Variants in LRMDA observed in about 807,000 individuals in gnomAD.
LRMDA encodes leucine-rich melanocyte differentiation-associated protein.
LRMDA carries 18 observed loss-of-function variants against 29.8 expected under a neutral mutation model. That is an observed-to-expected ratio of 0.60 (90% CI 0.42 to 0.90). The LOEUF (loss-of-function observed/expected upper bound fraction) is 0.90. Among genes scored for constraint, LRMDA ranks in the 40% least tolerant of loss-of-function variants. The probability of loss-of-function intolerance (pLI) is 0.00; values close to 1 mark genes in which losing one functional copy is unlikely to be tolerated. For missense variants in LRMDA, 273 were observed against 273.9 expected, an observed-to-expected ratio of 1.00 and a Z score of 0.02; for synonymous variants, 125 against 109.4, an observed-to-expected ratio of 1.14 and a Z score of -0.89.
chr10:76,443,165 C>T (rs1842320979), intron 6 of LRMDA, among the ~76,000 whole-genome samples: 1 of 152,166 alleles, frequency 6.6e-6, no homozygotes, highest in Non-Finnish European at 1.5e-5. Context: ...GGTACCTGAA[C>T]TTAGATCAAA....
intron 5 of LRMDA, among the ~76,000 whole-genome samples, chr10:76,060,297 C>T (rs1360131815): frequency 6.6e-6 from 1 of 152,170 alleles, no homozygotes; most frequent in Non-Finnish European, 1.5e-5. Context: ...ATGTGGGCAG[C>T]TCTACATTGT....
At chr10:76,533,527 G>A (rs1471366117) in intron 6 of LRMDA, among the ~76,000 whole-genome samples, 2 of 152,126 alleles carry the variant, frequency 1.3e-5, no homozygotes, top group African/African-American at 4.8e-5. Flanking sequence ...TGTCATTCAG[G>A]AGCTTGCAAA....
At position 76,157,458 on chromosome 10, in the gene LRMDA, T is replaced by A. The variant is rs577178724; in HGVS notation, c.516+98675T>A. Among the ~76,000 whole-genome samples the A allele has an allele frequency of 2.4e-4, 36 of 152,058 alleles. No homozygotes were observed. The South Asian group carries it at 3.1e-3, about 13-fold the overall frequency. ...AGACCCTGTTGCCAAAAAAGTTTTT[T>A]AAAAAATTAGCCAGGTGTGATAGCA... is the stretch of plus-strand genomic sequence containing the variant. On this transcript the variant is annotated intron_variant, in intron 5 of 6. Transcript: ENST00000611255.
At chr10:76,524,372 G>A (rs909540258) in intron 6 of LRMDA, among the ~76,000 whole-genome samples, 3 of 152,194 alleles carry the variant, frequency 2.0e-5, no homozygotes, top group Non-Finnish European at 4.4e-5. Context: ...CTTACATTCT[G>A]CAGCAATTCA....
intron 2 of LRMDA, among the ~76,000 whole-genome samples, chr10:75,479,335 G>A (rs947871432): frequency 6.4e-4 from 97 of 151,882 alleles, no homozygotes; most frequent in African/African-American, 2.0e-3. Flanking sequence ...GTGAAACCCC[G>A]CCTGTACTAA....
intron 6 of LRMDA, among the ~76,000 whole-genome samples, chr10:76,350,098 A>AT (rs1841156706): frequency 1.3e-5 from 2 of 152,026 alleles, no homozygotes; most frequent in Admixed American, 6.6e-5. Context: ...GGGTCCTTAC[A>AT]TTTTTGGCAA....
chr10:75,497,182 T>C (rs1845055949), intron 2 of LRMDA, among the ~76,000 whole-genome samples: 2 of 152,162 alleles, frequency 1.3e-5, no homozygotes, highest in South Asian at 4.1e-4. Flanking sequence ...CTCCATGGTT[T>C]CCAAGATGTC....
intron 2 of LRMDA, among the ~76,000 whole-genome samples, chr10:75,887,002 C>G (rs988445883): frequency 1.3e-5 from 2 of 151,974 alleles, no homozygotes; most frequent in African/African-American, 2.4e-5. Flanking sequence ...AGTTCTGGGC[C>G]GCTATTTGAT....
intron 5 of LRMDA, among the ~76,000 whole-genome samples, chr10:76,196,444 G>T (rs1199020886): frequency 2.0e-5 from 3 of 152,294 alleles, no homozygotes; most frequent in Non-Finnish European, 4.4e-5. Context: ...ACCCACCTGA[G>T]GCTTGACCAT....
chr10:75,796,220 A>G (rs1205305082), intron 2 of LRMDA, among the ~76,000 whole-genome samples: 1 of 152,216 alleles, frequency 6.6e-6, no homozygotes, highest in African/African-American at 2.4e-5. Context: ...TTCCAGTACA[A>G]TGATGAACAG....
At chr10:75,580,586 C>T (rs1295747960) in intron 2 of LRMDA, among the ~76,000 whole-genome samples, 2 of 152,052 alleles carry the variant, frequency 1.3e-5, no homozygotes, top group Admixed American at 6.5e-5. Context: ...TCATATGGAA[C>T]CAAAAAAAGA....
At chr10:75,550,544 GTTTATA>G (rs1049012729) in intron 2 of LRMDA, among the ~76,000 whole-genome samples, 20 of 152,008 alleles carry the variant, frequency 1.3e-4, no homozygotes, top group African/African-American at 4.1e-4. Flanking sequence ...ATGTCTCTGT[GTTTATA>G]TTTATAATGA....
intron 2 of LRMDA, among the ~76,000 whole-genome samples, chr10:75,697,222 A>G (rs1382364702): frequency 1.3e-5 from 2 of 152,060 alleles, no homozygotes; most frequent in Admixed American, 6.6e-5. Flanking sequence ...TGTGAGGGAT[A>G]TAGTGATTTG....
chr10:75,731,956 T>C (rs1046990828), intron 2 of LRMDA, among the ~76,000 whole-genome samples: 6 of 152,232 alleles, frequency 3.9e-5, no homozygotes, highest in Non-Finnish European at 7.3e-5. Flanking sequence ...TAGAAGATGA[T>C]TTTTGTATTA....
At chr10:76,280,233 G>C (rs905861057) in intron 5 of LRMDA, among the ~76,000 whole-genome samples, 1 of 152,156 alleles carries the variant, frequency 6.6e-6, no homozygotes, top group Non-Finnish European at 1.5e-5. Context: ...GACTTTATAG[G>C]AGTAACCTTG....
rs561358930 is a variant in LRMDA, at chr10:76,557,772, A to G, written c.*484A>G. On this transcript the variant is annotated 3_prime_UTR_variant, in exon 7 of 7. Transcript: ENST00000611255. ...AATAGTCACAGTTTAGGGGATGGCCATTCTCCCTCACTCCTTTTAAATCTT... is the reference window on the plus strand; with the variant it reads ...AATAGTCACAGTTTAGGGGATGGCCGTTCTCCCTCACTCCTTTTAAATCTT... 144 of 159,080 alleles carry G rather than the reference A, an allele frequency of 9.1e-4. No homozygotes were observed. The highest frequency in any genetic ancestry group is 3.0e-3 in the African/African-American group (127 of 41,660). The allele number at this position is 159,080 out of a possible 1,614,324, so 9.9% of individuals were successfully genotyped here. A position where few individuals can be genotyped will look rare whatever the true frequency, so the allele number is the denominator to read the frequency against.
intron 5 of LRMDA, among the ~76,000 whole-genome samples, chr10:76,244,487 T>C (rs1183742135): frequency 3.3e-5 from 5 of 152,172 alleles, no homozygotes; most frequent in African/African-American, 9.7e-5. Context: ...TTTGCGGCAG[T>C]TGGGTGAGAG....
intron 5 of LRMDA, among the ~76,000 whole-genome samples, chr10:76,316,989 C>T (rs1007450135): frequency 6.6e-6 from 1 of 152,216 alleles, no homozygotes; most frequent in African/African-American, 2.4e-5. Flanking sequence ...CAAATTAGGA[C>T]TGGCCCCTAC....
chr10:76,183,375 C>A (rs528195700), intron 5 of LRMDA, among the ~76,000 whole-genome samples: 1 of 152,078 alleles, frequency 6.6e-6, no homozygotes, highest in Non-Finnish European at 1.5e-5. Flanking sequence ...GCAGTTTATC[C>A]GAAGTGGAAG....
Sources: allele counts gnomAD v4.1 joint callset (sites outside exome capture counted in the v4.1 genomes callset), GRCh38; gene constraint gnomAD v4.1.1; transcripts MANE v1.5; gene names NCBI Gene and HGNC (gene_info 2026-07-23, HGNC 2026-07-21).